Variants in SYT17 observed in about 807,000 individuals in gnomAD.
The protein encoded by SYT17 is synaptotagmin 17, also known as synaptotagmin-17.
SYT17 carries 22 observed loss-of-function variants against 46.7 expected under a neutral mutation model. The ratio of observed to expected loss-of-function variants is 0.47; its 90% CI spans 0.34 to 0.67. SYT17 has a LOEUF of 0.67. Ranked by LOEUF, SYT17 falls within the 30% of genes least tolerant of loss-of-function variation. The probability of loss-of-function intolerance (pLI) is 0.01; values close to 1 mark genes in which losing one functional copy is unlikely to be tolerated. For synonymous variants in SYT17, 251 were observed against 248.4 expected, an observed-to-expected ratio of 1.01 and a Z score of -0.10; for missense variants, 519 against 612.8, an observed-to-expected ratio of 0.85 and a Z score of 1.62.
intron 7 of SYT17, among the ~76,000 whole-genome samples, chr16:19,240,752 T>C (rs1967041635): frequency 6.6e-6 from 1 of 152,184 alleles, no homozygotes; most frequent in Non-Finnish European, 1.5e-5. Flanking sequence ...CTCATGGCGC[T>C]CAGGCTGTTC....
intron 7 of SYT17, among the ~76,000 whole-genome samples, chr16:19,242,058 C>T (rs1201125777): frequency 6.6e-6 from 1 of 151,942 alleles, no homozygotes; most frequent in African/African-American, 2.4e-5. Flanking sequence ...GGATTCAAAC[C>T]CTGGTCATCT....
At chr16:19,218,850 T>C (rs1386201130) in intron 5 of SYT17, among the ~76,000 whole-genome samples, 2 of 152,226 alleles carry the variant, frequency 1.3e-5, no homozygotes, top group African/African-American at 2.4e-5. Context: ...ACACACTGAC[T>C]GAGTGATGCC....
intron 5 of SYT17, among the ~76,000 whole-genome samples, chr16:19,214,974 G>A (rs1966039019): frequency 6.6e-6 from 1 of 152,022 alleles, no homozygotes; most frequent in South Asian, 2.1e-4. Flanking sequence ...TTCTAGTAGA[G>A]ACGGGGTTTC....
chr16:19,229,844 G>T (rs1164684436), intron 7 of SYT17, among the ~76,000 whole-genome samples: 1 of 152,114 alleles, frequency 6.6e-6, no homozygotes, highest in Non-Finnish European at 1.5e-5. Context: ...TAAACAAAGT[G>T]GTGCATACAT....
rs544868329 is a variant in SYT17, at chr16:19,243,805, C to T, written c.1228+18967C>T. Among the ~76,000 whole-genome samples the T allele has an allele frequency of 1.6e-4, 16 of 99,984 alleles. No individual in the cohort carries two copies. The East Asian group carries it at 3.2e-3, about 20-fold the overall frequency. 65.6% of individuals were successfully genotyped at this position (99,984 alleles called of 152,430 possible). On this transcript the variant is annotated intron_variant, in intron 7 of 7. Transcript: ENST00000355377. ...TGCACTCCAGCCTGGGCAACAAGAG[C>T]GAAAAAACTCCATCAAAAAAAAAAA... is the stretch of plus-strand genomic sequence containing the variant.
chr16:19,249,847 G>T, intron 7 of SYT17: 1 of 1,321,290 alleles, frequency 7.6e-7, no homozygotes, highest in Non-Finnish European at 1.0e-6. Flanking sequence ...GGATAACCTG[G>T]AGTCACTGGG....
intron 3 of SYT17, among the ~76,000 whole-genome samples, chr16:19,177,828 A>G (rs546343436): frequency 6.6e-6 from 1 of 152,332 alleles, no homozygotes; most frequent in South Asian, 2.1e-4. Flanking sequence ...AGTGAATTAA[A>G]GTCAAGTTGG....
intron 7 of SYT17, among the ~76,000 whole-genome samples, chr16:19,260,503 CAAAAAAAAAAAA>C (rs58392770): frequency 0.13 from 10,303 of 76,320 alleles, 1,046 homozygotes; most frequent in East Asian, 0.41. Context: ...GACCTTGTCT[CAAAAAAAAAAAA>C]AAAAAAAAAA....
At chr16:19,204,511 A>G (rs376261030) in intron 5 of SYT17, among the ~76,000 whole-genome samples, 2 of 151,896 alleles carry the variant, frequency 1.3e-5, no homozygotes, top group African/African-American at 4.8e-5. Flanking sequence ...AGACAGGAGG[A>G]GCAGGTGAGG....
At chr16:19,243,179 G>A (rs1967263412) in intron 7 of SYT17, among the ~76,000 whole-genome samples, 1 of 152,162 alleles carries the variant, frequency 6.6e-6, no homozygotes, top group Admixed American at 6.5e-5. Context: ...TGAAGAGTCA[G>A]TAGGGCGGGC....
chr16:19,213,141 A>G (rs1236645010), intron 5 of SYT17, among the ~76,000 whole-genome samples: 5 of 152,218 alleles, frequency 3.3e-5, no homozygotes, highest in African/African-American at 1.2e-4. Context: ...GAGCACTAAA[A>G]CAAAGGATTT....
At chr16:19,172,508 T>C (rs1404259830) in intron 1 of SYT17, 12 of 1,490,858 alleles carry the variant, frequency 8.0e-6, no homozygotes, top group Middle Eastern at 1.7e-4. Flanking sequence ...ATCGAAATGC[T>C]AAAGTTTCCC....
intron 7 of SYT17, among the ~76,000 whole-genome samples, chr16:19,253,370 G>A (rs559869647): frequency 7.9e-5 from 12 of 152,162 alleles, no homozygotes; most frequent in Non-Finnish European, 1.6e-4. Flanking sequence ...AGCCTGGGCA[G>A]CAAAGTGAGA....
chr16:19,261,579 T>C (rs1398073804), intron 7 of SYT17, among the ~76,000 whole-genome samples: 4 of 152,244 alleles, frequency 2.6e-5, no homozygotes, highest in African/African-American at 7.2e-5. Flanking sequence ...CAAAATAATA[T>C]GTACTTTCTG....
chr16:19,254,133 G>GT (rs1169910411), intron 7 of SYT17, among the ~76,000 whole-genome samples: 2 of 152,176 alleles, frequency 1.3e-5, no homozygotes, highest in South Asian at 2.1e-4. Context: ...ATGGGACTAA[G>GT]TTGTTAAAGG....
chr16:19,207,712 G>A (rs934629550), intron 5 of SYT17, among the ~76,000 whole-genome samples: 1 of 152,132 alleles, frequency 6.6e-6, no homozygotes, highest in African/African-American at 2.4e-5. Context: ...GCTTCGTGGA[G>A]CAGAAAGATA....
At chr16:19,237,182 G>C (rs1966861035) in intron 7 of SYT17, among the ~76,000 whole-genome samples, 1 of 152,214 alleles carries the variant, frequency 6.6e-6, no homozygotes, top group Non-Finnish European at 1.5e-5. Context: ...CCAACTTAAA[G>C]CTGCTTGGTT....
chr16:19,184,021 C>T lies in SYT17; in HGVS notation c.825C>T (p.Leu275=). 6.2e-7 allele frequency: 1 copy of T among 1,614,116 alleles called. No individual in the cohort carries two copies. The change falls in exon 5 of 8, where the codon CTC becomes CTT. Residue 275 remains leucine (L), a synonymous_variant. Transcript: ENST00000355377. ...TGGAGGCCCAGAGGAGGACCCTGCT[C>T]CTGACCGTGGTGGATTTTGATAAGT... ...PFLEAQRRTL[L]LTVVDFDKFS... is the part of the protein sequence containing the mutation.
chr16:19,236,849 G>A lies in SYT17; in HGVS notation c.1228+12011G>A, dbSNP rs118128757. Reference sequence around the variant, plus strand: ...CTGAGCCTCAATCACATACTGCTCAGGTGGCTGATCTTCAGTCTCTATCCC... The same window carrying A: ...CTGAGCCTCAATCACATACTGCTCAAGTGGCTGATCTTCAGTCTCTATCCC... On this transcript the variant is annotated intron_variant, in intron 7 of 7. Transcript: ENST00000355377. 4.3e-3 allele frequency among the ~76,000 whole-genome samples: 653 copies of A among 152,282 alleles called. 7 individuals carry two copies. The highest frequency in any genetic ancestry group is 0.015 in the South Asian group (70 of 4,812).
Sources: gnomAD v4.1 joint callset for allele counts (sites outside exome capture counted in the v4.1 genomes callset) on GRCh38, gnomAD v4.1.1 for gene constraint, MANE v1.5 for transcripts, NCBI Gene and HGNC (gene_info 2026-07-23, HGNC 2026-07-21) for gene names.